KLHL4: variants seen among roughly 807,000 people sequenced by gnomAD.
KLHL4 encodes the protein kelch-like protein 4.
Under a neutral mutation model 45.8 loss-of-function variants are expected in KLHL4, and 17 were observed. The ratio of observed to expected loss-of-function variants is 0.37; its 90% confidence interval spans 0.25 to 0.56. The LOEUF (loss-of-function observed/expected upper bound fraction) is 0.56, where lower values mean the gene tolerates loss of function less well. KLHL4 is among the 20% of genes least tolerant of loss of function. The pLI, the probability that KLHL4 is intolerant of heterozygous loss-of-function variation, is 0.79. For synonymous variants in KLHL4, 224 were observed against 189.9 expected, an observed-to-expected ratio of 1.18 and a Z score of -1.47; for missense variants, 544 against 544.9, an observed-to-expected ratio of 1.00 and a Z score of 0.02.
chrX:87,598,031 T>C (rs1405611091), intron 1 of KLHL4, among the ~76,000 whole-genome samples: 2 of 109,711 alleles, frequency 1.8e-5, no homozygotes, highest in Non-Finnish European at 3.8e-5. Context: ...TCTTAGGTGA[T>C]AGAATAATAT....
At chrX:87,538,825 G>C (rs1345339314) in intron 1 of KLHL4, among the ~76,000 whole-genome samples, 1 of 111,407 alleles carries the variant, frequency 9.0e-6, no homozygotes, top group Admixed American at 9.6e-5. Flanking sequence ...GAAATTTAGA[G>C]AAACAATATC....
At chrX:87,604,331 G>A (rs1922120440) in intron 1 of KLHL4, among the ~76,000 whole-genome samples, 1 of 110,937 alleles carries the variant, frequency 9.0e-6, no homozygotes, top group Non-Finnish European at 1.9e-5. Flanking sequence ...ATTTTTTTGA[G>A]AAATCTACAT....
At chrX:87,563,797 A>G (rs1932151763) in intron 1 of KLHL4, among the ~76,000 whole-genome samples, 1 of 111,014 alleles carries the variant, frequency 9.0e-6, no homozygotes, top group African/African-American at 3.3e-5. Flanking sequence ...CTAACTGAAG[A>G]CATTTAAGAA....
At chrX:87,520,593 A>C (rs1930980734) in intron 1 of KLHL4, among the ~76,000 whole-genome samples, 1 of 112,441 alleles carries the variant, frequency 8.9e-6, no homozygotes, top group Admixed American at 9.4e-5. Context: ...TTAAAAATTC[A>C]AATGTATTCA....
intron 1 of KLHL4, among the ~76,000 whole-genome samples, chrX:87,533,272 C>T (rs1213051083): frequency 1.9e-5 from 2 of 102,565 alleles, no homozygotes; most frequent in Non-Finnish European, 3.9e-5. Context: ...TATTGCGGCA[C>T]TATTCACAAT....
At chrX:87,652,477 A>G (rs1376581632) in intron 9 of KLHL4, among the ~76,000 whole-genome samples, 5 of 112,195 alleles carry the variant, frequency 4.5e-5, no homozygotes, top group Admixed American at 3.8e-4. Context: ...AATTTCTTCT[A>G]CCAGATACCC....
chrX:87,616,634 T>G (rs1328652459), intron 3 of KLHL4, among the ~76,000 whole-genome samples: 2 of 111,952 alleles, frequency 1.8e-5, no homozygotes, highest in Non-Finnish European at 3.8e-5. Flanking sequence ...TACTGTACAC[T>G]GTAATATACA....
chrX:87,661,213 C>T (rs1343902300), intron 9 of KLHL4, among the ~76,000 whole-genome samples: 3 of 111,535 alleles, frequency 2.7e-5, no homozygotes, highest in East Asian at 2.8e-4. Context: ...TTTCTTGTTT[C>T]TATTGCGGTT....
intron 9 of KLHL4, among the ~76,000 whole-genome samples, chrX:87,655,543 T>A (rs1295630916): frequency 1.1e-4 from 12 of 111,632 alleles, no homozygotes; most frequent in African/African-American, 3.6e-4. Flanking sequence ...ATTGAATATT[T>A]TTTTCCACCC....
intron 9 of KLHL4, among the ~76,000 whole-genome samples, chrX:87,663,520 G>A (rs911784716): frequency 8.9e-6 from 1 of 112,511 alleles, no homozygotes; most frequent in Admixed American, 9.4e-5. Context: ...CTATGCCCAT[G>A]CAGAAAAGTC....
chrX:87,523,192 C>G lies in KLHL4; in HGVS notation c.422+4877C>G, dbSNP rs753425270. Among the ~76,000 whole-genome samples, 7 of 111,490 alleles carry G rather than the reference C, an allele frequency of 6.3e-5. No homozygotes were observed. In the Admixed American group the frequency reaches 6.7e-4, roughly 11 times the overall value. On this transcript the variant is annotated intron_variant, in intron 1 of 10. Transcript: ENST00000373119. ...GTTCAGTCACTTTGTACTTTAAAGA[C>G]TTTTTTGGAAACTTGTATGTCTTCT...
At chrX:87,632,967 T>C (rs1923146768) in intron 7 of KLHL4, among the ~76,000 whole-genome samples, 1 of 111,834 alleles carries the variant, frequency 8.9e-6, no homozygotes, top group South Asian at 3.8e-4. Flanking sequence ...GGAATGGTAT[T>C]GCTTGCCCCA....
intron 1 of KLHL4, among the ~76,000 whole-genome samples, chrX:87,561,552 A>C (rs1932098863): frequency 9.0e-6 from 1 of 111,224 alleles, no homozygotes; most frequent in African/African-American, 3.3e-5. Flanking sequence ...ATGGGATCCT[A>C]AAATTTGAAA....
At chrX:87,573,134 T>C (rs960758720) in intron 1 of KLHL4, among the ~76,000 whole-genome samples, 2 of 111,745 alleles carry the variant, frequency 1.8e-5, no homozygotes, top group Non-Finnish European at 3.8e-5. Context: ...GAATTTACAA[T>C]TGGCATGTGC....
At chrX:87,642,137 A>G (rs1428364460) in intron 9 of KLHL4, among the ~76,000 whole-genome samples, 1 of 110,445 alleles carries the variant, frequency 9.1e-6, no homozygotes, top group Non-Finnish European at 1.9e-5. Context: ...CACAGACTCC[A>G]TTGCACCCCC....
intron 1 of KLHL4, among the ~76,000 whole-genome samples, chrX:87,554,560 A>G (rs1386000434): frequency 1.0e-5 from 1 of 100,373 alleles, no homozygotes; most frequent in African/African-American, 3.7e-5. Flanking sequence ...ATTTTTGCAC[A>G]TTGATTTTGT....
chrX:87,557,356 G>C (rs1168059370), intron 1 of KLHL4, among the ~76,000 whole-genome samples: 1 of 111,521 alleles, frequency 9.0e-6, no homozygotes, highest in Non-Finnish European at 1.9e-5. Flanking sequence ...CAGATGTAGA[G>C]AACAATTGGC....
At chrX:87,641,523 C>T (rs1923458488) in intron 9 of KLHL4, among the ~76,000 whole-genome samples, 1 of 111,646 alleles carries the variant, frequency 9.0e-6, no homozygotes, top group African/African-American at 3.3e-5. Context: ...ACAATTTGAA[C>T]ATTGTGAGAA....
Position 87,664,798 on chromosome X carries a change from G to A in KLHL4, c.1960G>A (p.Ala654Thr), listed in dbSNP as rs755244451. Residue 654 changes from alanine (A) to threonine (T), a missense_variant, in exon 10 of 11, where the codon GCA becomes ACA. By Grantham distance (58) the Ala-to-Thr change is moderately conservative. Coordinates refer to ENST00000373119, the MANE Select transcript of KLHL4 (RefSeq NM_019117.5). ...DPKGDSWSTV[A>T]PLSVPRDAVA... is the part of the protein sequence containing the mutation. The stretch of plus-strand genomic sequence containing the variant: ...AAAAGGTGATTCATGGTCAACTGTG[G>A]CACCTCTGAGTGTTCCTCGAGATGC... The A allele has an allele frequency of 2.5e-6, 3 of 1,204,413 alleles. No homozygotes were observed. Among genetic ancestry groups the A allele is most frequent in the Non-Finnish European group, 3.4e-6 (3 of 890,991 alleles).
Sources: allele counts gnomAD v4.1 joint callset (sites outside exome capture counted in the v4.1 genomes callset), GRCh38; gene constraint gnomAD v4.1.1; transcripts MANE v1.5; gene names NCBI Gene and HGNC (gene_info 2026-07-23, HGNC 2026-07-21).